Variants in PLA2G4C observed in about 807,000 individuals in gnomAD.
PLA2G4C encodes cytosolic phospholipase A2 gamma.
Under a neutral mutation model 73.8 loss-of-function variants are expected in PLA2G4C, and 64 were observed. The observed-to-expected ratio is 0.87, with a 90% CI of 0.71 to 1.07. The LOEUF (loss-of-function observed/expected upper bound fraction) is 1.07. PLA2G4C is among the 50% of genes least tolerant of loss of function. The pLI is 0.00. For missense variants in PLA2G4C, 622 were observed against 665.4 expected (o/e 0.93, Z 0.72); for synonymous variants, 254 against 252.1 (o/e 1.01, Z -0.07).
chr19:48,085,448 C>T (rs1243851288), intron 9 of PLA2G4C, among the ~76,000 whole-genome samples: 1 of 152,166 alleles, frequency 6.6e-6, no homozygotes, highest in Non-Finnish European at 1.5e-5. Flanking sequence ...CAAATATTTC[C>T]CAGCCTCCCT....
intron 14 of PLA2G4C, among the ~76,000 whole-genome samples, chr19:48,055,501 G>A (rs1320945834): frequency 6.6e-6 from 1 of 151,528 alleles, no homozygotes; most frequent in Non-Finnish European, 1.5e-5. Context: ...GGAGCCCAAC[G>A]AGATATGTGG....
intron 8 of PLA2G4C, chr19:48,090,143 C>T (rs1434032573): frequency 3.8e-6 from 2 of 529,134 alleles, no homozygotes; most frequent in Non-Finnish European, 6.8e-6. Flanking sequence ...GGTCACAAAG[C>T]TTACATGTAC....
intron 10 of PLA2G4C, among the ~76,000 whole-genome samples, chr19:48,084,604 G>A (rs942885829): frequency 7.9e-5 from 12 of 152,176 alleles, no homozygotes; most frequent in African/African-American, 2.9e-4. Flanking sequence ...CAAATGATCC[G>A]CCCGCCTTAG....
chr19:48,110,356 A>T (rs1045803976), intron 1 of PLA2G4C, 131 bp downstream of exon 1: 13 of 573,746 alleles, frequency 2.3e-5, no homozygotes, highest in Admixed American at 2.0e-4. Context: ...AAAAAAAAAT[A>T]AATAAATAAA....
intron 14 of PLA2G4C, among the ~76,000 whole-genome samples, chr19:48,057,838 C>T (rs771752848): frequency 3.3e-5 from 5 of 150,186 alleles, no homozygotes; most frequent in Non-Finnish European, 5.9e-5. Context: ...CAGTTTTCTA[C>T]ATATACTTAT....
chr19:48,083,004 C>T (rs1052891134), intron 10 of PLA2G4C, among the ~76,000 whole-genome samples: 3 of 151,310 alleles, frequency 2.0e-5, no homozygotes, highest in Non-Finnish European at 4.4e-5. Context: ...TTAGTAGAGA[C>T]GGAGTTTCAC....
intron 6 of PLA2G4C, 115 bp downstream of exon 6, chr19:48,098,024 T>A: frequency 8.5e-7 from 1 of 1,182,754 alleles, no homozygotes; most frequent in Non-Finnish European, 1.2e-6. Flanking sequence ...TCTGCAATCC[T>A]GAGCCCTTCC....
chr19:48,086,460 G>C (rs997753800), intron 9 of PLA2G4C, among the ~76,000 whole-genome samples: 1 of 151,790 alleles, frequency 6.6e-6, no homozygotes, highest in Non-Finnish European at 1.5e-5. Context: ...AGGAGCTGCT[G>C]CTTGCCCTGC....
At chr19:48,056,437 A>G (rs1967943712) in intron 14 of PLA2G4C, among the ~76,000 whole-genome samples, 2 of 152,148 alleles carry the variant, frequency 1.3e-5, no homozygotes, top group Admixed American at 6.5e-5. Flanking sequence ...AATCCCAGCT[A>G]CTTGGGAGGC....
At chr19:48,084,979 C>A in intron 10 of PLA2G4C, 80 bp downstream of exon 10, 1 of 997,418 alleles carries the variant, frequency 1.0e-6, no homozygotes, top group Non-Finnish European at 1.6e-6. Flanking sequence ...CTCTTTTCTG[C>A]CACATGCAGG....
At chr19:48,050,298 CGCCCT>C (rs1270639657) in intron 16 of PLA2G4C, among the ~76,000 whole-genome samples, 2 of 152,024 alleles carry the variant, frequency 1.3e-5, no homozygotes, top group African/African-American at 4.8e-5. Flanking sequence ...AGCAAATAAC[CGCCCT>C]GCCCCATGCC....
chr19:48,109,077 A>G (rs1278330727), intron 1 of PLA2G4C, among the ~76,000 whole-genome samples: 1 of 152,214 alleles, frequency 6.6e-6, no homozygotes, highest in East Asian at 1.9e-4. Context: ...TAAGAAAAAA[A>G]AATCTAGCCT....
At chr19:48,077,996 C>G (rs1019785) in intron 10 of PLA2G4C, among the ~76,000 whole-genome samples, 172 bp from the exon 11 acceptor site, 140,129 of 152,200 alleles carry the variant, frequency 0.92, 65,051 homozygotes, top group East Asian at 0.99. Flanking sequence ...TCTGTGCTCG[C>G]TGACCTCATG....
intron 12 of PLA2G4C, among the ~76,000 whole-genome samples, chr19:48,068,836 C>T (rs534019914): frequency 1.3e-5 from 2 of 151,938 alleles, no homozygotes; most frequent in Non-Finnish European, 2.9e-5. Context: ...GGCGGCCATC[C>T]CTCTGCAAGC....
intron 8 of PLA2G4C, among the ~76,000 whole-genome samples, chr19:48,089,846 C>T (rs11564551): frequency 0.012 from 1,832 of 152,284 alleles, 41 homozygotes; most frequent in African/African-American, 0.041. Context: ...CGTCTGCACT[C>T]ACTGACCAGC....
chr19:48,084,396 A>G (rs1007204182), intron 10 of PLA2G4C, among the ~76,000 whole-genome samples: 28 of 151,894 alleles, frequency 1.8e-4, no homozygotes, highest in African/African-American at 6.5e-4. Flanking sequence ...CTGGAGTGCA[A>G]TGGTGTGATC....
chr19:48,095,755 C>G, intron 6 of PLA2G4C, 151 bp from the exon 7 acceptor site: 1 of 803,730 alleles, frequency 1.2e-6, no homozygotes, highest in Non-Finnish European at 2.0e-6. Context: ...CACTGGGGAT[C>G]TCATCCTCAG....
chr19:48,049,740 A>T (rs1280619691), intron 16 of PLA2G4C, among the ~76,000 whole-genome samples: 1 of 152,190 alleles, frequency 6.6e-6, no homozygotes, highest in East Asian at 1.9e-4. Flanking sequence ...CCTGAGTTCT[A>T]CAGGTGAGAA....
At chr19:48,062,327 C>T (rs1344072932) in intron 13 of PLA2G4C, 175 bp from the exon 14 acceptor site, 1 of 557,058 alleles carries the variant, frequency 1.8e-6, no homozygotes, top group African/African-American at 2.0e-5. Flanking sequence ...TGTTGAAGCC[C>T]TGGCTGGGTG....
Sources: allele counts gnomAD v4.1 joint callset (sites outside exome capture counted in the v4.1 genomes callset), GRCh38; gene constraint gnomAD v4.1.1; transcripts MANE v1.5; gene names NCBI Gene and HGNC (gene_info 2026-07-23, HGNC 2026-07-21).